The following LY75 variants were observed in gnomAD, a reference collection of about 807,000 sequenced individuals.
LY75 encodes the protein lymphocyte antigen 75.
Under a neutral mutation model 231.7 loss-of-function variants are expected in LY75, and 185 were observed. The observed-to-expected ratio is 0.80, with a 90% CI of 0.71 to 0.90. The LOEUF (loss-of-function observed/expected upper bound fraction) is 0.90, where lower values mean the gene tolerates loss of function less well. Among genes scored for constraint, LY75 ranks in the 40% least tolerant of loss-of-function variants. LY75 has a pLI of 0.00. For synonymous variants in LY75, 668 were observed against 689.0 expected (o/e 0.97, Z 0.48); for missense variants, 1,947 against 2,050.2 (o/e 0.95, Z 0.97).
At chr2:159,876,804 G>A (rs866400277) in intron 11 of LY75, among the ~76,000 whole-genome samples, 5 of 151,890 alleles carry the variant, frequency 3.3e-5, no homozygotes, top group East Asian at 1.9e-4. Flanking sequence ...TCAGGAGTTC[G>A]AGACCAGCCT....
At position 159,879,346 on chromosome 2, in the gene LY75, T is replaced by C; in HGVS notation, c.1428A>G (p.Ser476=). ...LGELGQWKVQ[S]CEEKLKYVCK... Reference sequence around the variant, plus strand: ...ATACATATTTTAGTTTCTCCTCACATGATTGGACTTTCCACTGACCTAGCT... The same window carrying C: ...ATACATATTTTAGTTTCTCCTCACACGATTGGACTTTCCACTGACCTAGCT... Residue 476 remains serine, a synonymous_variant, in exon 9 of 35, where the codon TCA becomes TCG. Coordinates refer to ENST00000263636, the MANE Select transcript of LY75 (RefSeq NM_002349.4). The C allele has an allele frequency of 1.9e-6, 3 of 1,613,378 alleles. No individual in the cohort carries two copies. Among genetic ancestry groups the C allele is most frequent in the East Asian group, 2.2e-5 (1 of 44,850 alleles).
intron 1 of LY75, chr2:159,903,217 C>T (rs1686132430): frequency 6.6e-6 from 1 of 152,106 alleles, no homozygotes; most frequent in Admixed American, 6.5e-5. Flanking sequence ...TGATAAAGGG[C>T]AGTGATTGCA....
chr2:159,809,942 T>G (rs1348776001), intron 32 of LY75, among the ~76,000 whole-genome samples: 1 of 152,190 alleles, frequency 6.6e-6, no homozygotes, highest in African/African-American at 2.4e-5. Context: ...CCTCCCAAAG[T>G]GCTGGGATTA....
intron 22 of LY75, 91 bp downstream of exon 22, chr2:159,850,271 A>G (rs1684342619): frequency 1.3e-6 from 2 of 1,527,366 alleles, no homozygotes; most frequent in African/African-American, 2.8e-5. Flanking sequence ...GAAGTTTAAT[A>G]AGAATTTTTG....
rs147393363 is a variant in LY75, at chr2:159,838,063, C to T, written c.3508-2418G>A. Among the ~76,000 whole-genome samples, 137 of 152,308 alleles carry T rather than the reference C, an allele frequency of 9.0e-4. No homozygotes were observed. The Middle Eastern group carries it at 0.044, about 49-fold the overall frequency. ...GCTGCCTCTCCTCAGACACTGTAAACGCCAACAGCATTTCCTGCATGAATT... is the reference window on the plus strand; with the variant it reads ...GCTGCCTCTCCTCAGACACTGTAAATGCCAACAGCATTTCCTGCATGAATT... On this transcript the variant is annotated intron_variant, in intron 25 of 34. Coordinates refer to ENST00000263636, the MANE Select transcript of LY75 (RefSeq NM_002349.4).
At chr2:159,890,492 G>T (rs1266298828) in intron 3 of LY75, 115 bp from the exon 4 acceptor site, 1 of 1,408,086 alleles carries the variant, frequency 7.1e-7, no homozygotes, top group Non-Finnish European at 9.6e-7. Context: ...TGCCCAAAGG[G>T]AGACTGCCAT....
chr2:159,834,272 C>T lies in LY75; in HGVS notation c.3674-61G>A, dbSNP rs1031232218. ...AGATATAAATGTTAAATCCTGTTTG[C>T]AGTCATTAGGCTTGATTTGTAGGAA... On this transcript the variant is annotated intron_variant, in intron 26 of 34. Coordinates refer to ENST00000263636, the MANE Select transcript of LY75 (RefSeq NM_002349.4). 3.1e-6 allele frequency: 5 copies of T among 1,594,196 alleles called. No individual in the cohort carries two copies. The African/African-American group carries it at 5.4e-5, about 17-fold the overall frequency.
intron 12 of LY75, among the ~76,000 whole-genome samples, chr2:159,874,710 GTAAATATATATATTTTGTAA>G: frequency 2.0e-4 from 1 of 4,986 alleles, no homozygotes; most frequent in Non-Finnish European, 4.0e-4. Context: ...GTAAATATAT[GTAAATATATATATTTTGTAA>G]ATATATGTAA....
chr2:159,808,396 T>G (rs2556088), intron 33 of LY75, 53 bp downstream of exon 33: 141,268 of 1,611,502 alleles, frequency 0.088, 12,377 homozygotes, highest in African/African-American at 0.43. Flanking sequence ...ACTTGTTATT[T>G]AGGATGAGTT....
intron 1 of LY75, among the ~76,000 whole-genome samples, chr2:159,901,305 A>G (rs1298968741): frequency 6.6e-6 from 1 of 152,226 alleles, no homozygotes; most frequent in East Asian, 1.9e-4. Context: ...TCTCTGATCT[A>G]CATCTTTTCC....
intron 29 of LY75, among the ~76,000 whole-genome samples, chr2:159,817,948 C>T (rs967493919): frequency 3.3e-5 from 5 of 152,042 alleles, no homozygotes; most frequent in Non-Finnish European, 5.9e-5. Flanking sequence ...ACTTGGGAGG[C>T]TGAGGCAGGA....
At chr2:159,806,707 A>G (rs1682803761) in intron 34 of LY75, among the ~76,000 whole-genome samples, 1 of 152,222 alleles carries the variant, frequency 6.6e-6, no homozygotes, top group South Asian at 2.1e-4. Flanking sequence ...AAAAGAAATT[A>G]CTTCCCTAAT....
Position 159,816,282 on chromosome 2 carries a change from A to G in LY75, c.4380+524T>C, listed in dbSNP as rs572241845. On this transcript the variant is annotated intron_variant, in intron 30 of 34. Coordinates refer to ENST00000263636, the MANE Select transcript of LY75 (RefSeq NM_002349.4). ...TTTACTAGCAGAATTAATCCTAAGT[A>G]GTATAATTTTCTAGAGGAAAAGTGG... is the stretch of plus-strand genomic sequence containing the variant. Among the ~76,000 whole-genome samples, 109 of 152,238 alleles carry G rather than the reference A, an allele frequency of 7.2e-4. 1 individual carries two copies. Among genetic ancestry groups the G allele is most frequent in the Non-Finnish European group, 1.3e-3 (88 of 68,044 alleles).
rs373519699 is a variant in LY75, at chr2:159,875,636, C to T, written c.1782G>A (p.Pro594=). ...CAGTAGACATAGCCACGCAGCCGCC[C>T]GGGGAAGCTGGGATTGAAGTGGAAA... The part of the protein sequence containing the change: ...SNWNFLEPAS[P]GGCVAMSTGK... The change falls in exon 12 of 35, where the codon CCG becomes CCA. Residue 594 remains proline (P), a synonymous_variant. Coordinates refer to ENST00000263636, the MANE Select transcript of LY75 (RefSeq NM_002349.4). The T allele has an allele frequency of 5.8e-5, 93 of 1,613,418 alleles. No homozygotes were observed. The highest frequency in any genetic ancestry group is 7.5e-5 in the Non-Finnish European group (88 of 1,179,864).
intron 14 of LY75, among the ~76,000 whole-genome samples, chr2:159,862,581 C>A (rs1453055741): frequency 6.6e-6 from 1 of 152,098 alleles, no homozygotes; most frequent in Non-Finnish European, 1.5e-5. Flanking sequence ...AGACTTGTAA[C>A]TTGTCTTTTC....
intron 6 of LY75, among the ~76,000 whole-genome samples, chr2:159,883,663 G>C (rs1316463164): frequency 6.6e-6 from 1 of 152,074 alleles, no homozygotes; most frequent in Non-Finnish European, 1.5e-5. Context: ...GCTACTGCAA[G>C]GTATTTACTT....
intron 4 of LY75, among the ~76,000 whole-genome samples, chr2:159,889,331 C>G (rs1200947630): frequency 1.3e-5 from 2 of 152,122 alleles, no homozygotes; most frequent in Non-Finnish European, 2.9e-5. Flanking sequence ...CAGGCTCAAG[C>G]AATCCTTCTA....
chr2:159,842,121 T>C (rs752744777), intron 24 of LY75, 124 bp downstream of exon 24: 11 of 1,197,516 alleles, frequency 9.2e-6, no homozygotes, highest in Non-Finnish European at 1.2e-5. Context: ...GTAAGCATAC[T>C]ACCCAATAGG....
Position 159,890,389 on chromosome 2 carries a change from G to A in LY75, c.638-12C>T, listed in dbSNP as rs1018249593. On this transcript the variant is annotated splice_polypyrimidine_tract_variant and intron_variant, in intron 3 of 34. Transcript: ENST00000263636. ...TTCACAACCGTTTTCTGTTGATAAA[G>A]ACACGTTAGTGATCATAAAGTAAGG... 6.2e-7 allele frequency: 1 copy of A among 1,612,238 alleles called. No individual in the cohort carries two copies.
Sources: gnomAD v4.1 joint callset for allele counts (sites outside exome capture counted in the v4.1 genomes callset) on GRCh38, gnomAD v4.1.1 for gene constraint, MANE v1.5 for transcripts, NCBI Gene and HGNC (gene_info 2026-07-23, HGNC 2026-07-21) for gene names.